Variants in NR2C2 observed in about 807,000 individuals in gnomAD.
NR2C2 encodes nuclear receptor subfamily 2 group C member 2.
NR2C2 carries 6 observed loss-of-function variants against 62.9 expected under a neutral mutation model. The observed-to-expected ratio is 0.10, with a 90% CI of 0.05 to 0.19. The LOEUF is 0.19. Ranked by LOEUF, NR2C2 falls within the 10% of genes least tolerant of loss-of-function variation. The pLI is 1.00. For missense variants in NR2C2, 479 were observed against 762.7 expected, an observed-to-expected ratio of 0.63 and a Z score of 4.38; for synonymous variants, 272 against 273.8, an observed-to-expected ratio of 0.99 and a Z score of 0.07.
intron 5 of NR2C2, 144 bp from the exon 6 acceptor site, chr3:15,023,056 C>A: frequency 1.1e-6 from 1 of 877,938 alleles, no homozygotes; most frequent in Non-Finnish European, 1.7e-6. Context: ...TCTCTCTGGC[C>A]GAAAAGTCCA....
intron 1 of NR2C2, among the ~76,000 whole-genome samples, chr3:14,958,181 T>C (rs1242540552): frequency 6.6e-6 from 1 of 152,232 alleles, no homozygotes; most frequent in Non-Finnish European, 1.5e-5. Flanking sequence ...CATAAGTTCA[T>C]CAAGGACAAG....
chr3:15,048,123 A>G lies in NR2C2; in HGVS notation c.*5115A>G, dbSNP rs750478643. ...CTTTTTCTTTTTAAAATAAGTTATC[A>G]AAATGTTTTAAAAACACTTTATGAG... On this transcript the variant is annotated 3_prime_UTR_variant, in exon 14 of 14. Coordinates refer to ENST00000425241, the MANE Select transcript of NR2C2 (RefSeq NM_001291694.2). The G allele has an allele frequency of 6.5e-6, 1 of 152,678 alleles. No individual in the cohort carries two copies. Among genetic ancestry groups the G allele is most frequent in the Non-Finnish European group, 1.5e-5 (1 of 68,042 alleles). 9.5% of individuals were successfully genotyped at this position (152,678 alleles called of 1,614,324 possible).
At chr3:15,008,563 G>A (rs1440720432) in intron 2 of NR2C2, among the ~76,000 whole-genome samples, 1 of 151,940 alleles carries the variant, frequency 6.6e-6, no homozygotes, top group African/African-American at 2.4e-5. Context: ...TCAAACAAAA[G>A]TTATCCAGTG....
intron 2 of NR2C2, among the ~76,000 whole-genome samples, chr3:15,009,158 G>T (rs1298016107): frequency 6.6e-6 from 1 of 152,212 alleles, no homozygotes; most frequent in Non-Finnish European, 1.5e-5. Context: ...GGAGGCGGAG[G>T]TTGCAGTGAG....
At chr3:14,978,376 A>G (rs2040267358) in intron 1 of NR2C2, among the ~76,000 whole-genome samples, 1 of 152,228 alleles carries the variant, frequency 6.6e-6, no homozygotes, top group Admixed American at 6.5e-5. Context: ...CCTATTTTAT[A>G]ATAAACTTGA....
At chr3:14,991,634 C>A (rs976362993) in intron 1 of NR2C2, among the ~76,000 whole-genome samples, 1 of 152,062 alleles carries the variant, frequency 6.6e-6, no homozygotes, top group East Asian at 1.9e-4. Context: ...TATTAGTAAC[C>A]CATGAGAATT....
chr3:15,011,017 A>T (rs1335065827), intron 2 of NR2C2, among the ~76,000 whole-genome samples: 1 of 152,214 alleles, frequency 6.6e-6, no homozygotes, highest in Non-Finnish European at 1.5e-5. Context: ...TTAACAGGGA[A>T]AACAGTTTAG....
At chr3:14,964,660 G>A (rs189106985) in intron 1 of NR2C2, among the ~76,000 whole-genome samples, 2,400 of 150,882 alleles carry the variant, frequency 0.016, 68 homozygotes, top group African/African-American at 0.054. Flanking sequence ...GACTACAGGC[G>A]CCCGCCACCA....
intron 1 of NR2C2, among the ~76,000 whole-genome samples, chr3:14,983,457 CTT>C (rs1464626034): frequency 3.6e-5 from 4 of 112,446 alleles, no homozygotes; most frequent in East Asian, 2.9e-4. Context: ...GGATTATACT[CTT>C]TATACACACA....
At chr3:14,981,974 G>A (rs1454252976) in intron 1 of NR2C2, among the ~76,000 whole-genome samples, 8 of 152,092 alleles carry the variant, frequency 5.3e-5, no homozygotes, top group East Asian at 1.9e-4. Context: ...ATTGAGGGTG[G>A]GTCTGCCTCT....
chr3:15,014,253 T>C (rs1470471576), intron 3 of NR2C2, among the ~76,000 whole-genome samples: 2 of 152,194 alleles, frequency 1.3e-5, no homozygotes, highest in Non-Finnish European at 2.9e-5. Context: ...TTCTTGTCTC[T>C]ATCTCTGCCC....
chr3:14,959,525 T>G (rs186683582), intron 1 of NR2C2: 2 of 152,308 alleles, frequency 1.3e-5, no homozygotes, highest in Non-Finnish European at 2.9e-5. Context: ...TGTCTCTGCT[T>G]GTTTTTCCAG....
intron 5 of NR2C2, 93 bp downstream of exon 5, chr3:15,021,025 T>A: frequency 8.0e-7 from 1 of 1,254,384 alleles, no homozygotes; most frequent in Admixed American, 2.4e-5. Flanking sequence ...GGCCTTAAAA[T>A]ACTTTAAGAA....
intron 2 of NR2C2, among the ~76,000 whole-genome samples, chr3:15,006,993 T>G (rs2041191785): frequency 6.6e-6 from 1 of 152,106 alleles, no homozygotes; most frequent in African/African-American, 2.4e-5. Context: ...CAGGCTGGTC[T>G]CGAACTCCTG....
Position 15,039,117 on chromosome 3 carries a change from T to C in NR2C2, c.1511-5T>C, listed in dbSNP as rs779785335. On this transcript the variant is annotated splice_polypyrimidine_tract_variant and splice_region_variant and intron_variant, in intron 12 of 13. Transcript: ENST00000425241. ...AACTGGGGGGGGGTACTTTTCTGTT[T>C]TCAGATCATCCAGGTTTGACCAGCA... is the stretch of plus-strand genomic sequence containing the variant. The C allele has an allele frequency of 1.2e-6, 2 of 1,612,464 alleles. No individual in the cohort carries two copies. Among genetic ancestry groups the C allele is most frequent in the South Asian group, 1.1e-5 (1 of 91,062 alleles).
chr3:15,035,193 T>C (rs2125074446), intron 11 of NR2C2, among the ~76,000 whole-genome samples: 1 of 152,254 alleles, frequency 6.6e-6, no homozygotes, highest in Middle Eastern at 3.4e-3. Context: ...CTCAGGAGGC[T>C]GAGGCAGGAG....
intron 1 of NR2C2, 59 bp from the exon 2 acceptor site, chr3:15,003,817 G>A: frequency 8.7e-7 from 1 of 1,149,250 alleles, no homozygotes; most frequent in Middle Eastern, 1.9e-4. Flanking sequence ...GTGGTCTTCA[G>A]GCCACCTCTG....
intron 8 of NR2C2, among the ~76,000 whole-genome samples, chr3:15,029,401 T>G (rs897603014): frequency 2.0e-5 from 3 of 152,216 alleles, no homozygotes; most frequent in African/African-American, 7.2e-5. Flanking sequence ...TTGGCTCTTG[T>G]GCTCTGCTCC....
At chr3:14,973,578 T>C (rs187639611) in intron 1 of NR2C2, among the ~76,000 whole-genome samples, 25 of 152,008 alleles carry the variant, frequency 1.6e-4, no homozygotes, top group African/African-American at 5.8e-4. Context: ...TACTAAATTT[T>C]AGAGTTTAGG....
Sources: allele counts gnomAD v4.1 joint callset (sites outside exome capture counted in the v4.1 genomes callset), GRCh38; gene constraint gnomAD v4.1.1; transcripts MANE v1.5; gene names NCBI Gene and HGNC (gene_info 2026-07-23, HGNC 2026-07-21).